HMGB1: variants seen among roughly 807,000 people sequenced by gnomAD.
The protein encoded by HMGB1 is high mobility group box 1, also known as high mobility group protein B1.
For synonymous variants in HMGB1, 81 were observed against 84.0 expected, an observed-to-expected ratio of 0.96 and a Z score of 0.19; for missense variants, 79 against 253.5, an observed-to-expected ratio of 0.31 and a Z score of 4.67.
intron 1 of HMGB1, among the ~76,000 whole-genome samples, chr13:30,546,058 T>C (rs1869143273): frequency 6.6e-6 from 1 of 152,188 alleles, no homozygotes; most frequent in African/African-American, 2.4e-5. Flanking sequence ...AATGCAGATA[T>C]AAAGCACTTC....
Position 30,529,358 on chromosome 13 carries a change from G to A in HMGB1, c.-14-65664C>T, listed in dbSNP as rs562752463. Among the ~76,000 whole-genome samples the A allele has an allele frequency of 3.3e-5, 5 of 152,136 alleles. 1 individual carries two copies. Among genetic ancestry groups the A allele is most frequent in the Non-Finnish European group, 5.9e-5 (4 of 68,032 alleles). On this transcript the variant is annotated intron_variant, in intron 1 of 4. Coordinates refer to the HMGB1 transcript ENST00000405805. ...TTATCATTGACTTATGCTGGGTCAC[G>A]GATGTCCTATGAACCAAGGACAACT...
intron 1 of HMGB1, among the ~76,000 whole-genome samples, chr13:30,531,870 C>G (rs761690608): frequency 6.6e-6 from 1 of 151,666 alleles, no homozygotes; most frequent in African/African-American, 2.4e-5. Context: ...GCACTCCAGC[C>G]TGGGCAATAG....
At chr13:30,507,551 T>C (rs908279572) in intron 1 of HMGB1, among the ~76,000 whole-genome samples, 1 of 152,146 alleles carries the variant, frequency 6.6e-6, no homozygotes, top group African/African-American at 2.4e-5. Context: ...ATTCCTGGGG[T>C]CTAAGGAAGA....
chr13:30,551,027 G>A lies in HMGB1; in HGVS notation c.-15+65644C>T, dbSNP rs142442565. 4.7e-3 allele frequency among the ~76,000 whole-genome samples: 708 copies of A among 152,232 alleles called. 8 individuals are homozygous for A. The highest frequency in any genetic ancestry group is 0.016 in the African/African-American group (672 of 41,542). On this transcript the variant is annotated intron_variant, in intron 1 of 4. Transcript: ENST00000405805. ...GTTAGGAGACAGATGTTCACCAAAT[G>A]CTTAGCCCTCAGGGAGAAAACATTA...
At chr13:30,507,550 G>T (rs1400076859) in intron 1 of HMGB1, among the ~76,000 whole-genome samples, 1 of 152,172 alleles carries the variant, frequency 6.6e-6, no homozygotes, top group Non-Finnish European at 1.5e-5. Flanking sequence ...CATTCCTGGG[G>T]TCTAAGGAAG....
At chr13:30,486,986 G>A (rs951746611) in intron 1 of HMGB1, among the ~76,000 whole-genome samples, 6 of 152,216 alleles carry the variant, frequency 3.9e-5, no homozygotes, top group Non-Finnish European at 8.8e-5. Context: ...TCTTCATGCC[G>A]GTCTTATTTC....
intron 1 of HMGB1, among the ~76,000 whole-genome samples, chr13:30,606,769 T>A (rs1461835977): frequency 1.3e-5 from 2 of 152,352 alleles, no homozygotes; most frequent in African/African-American, 4.8e-5. Flanking sequence ...AAATGCAAAC[T>A]GACCTAACAA....
intron 3 of HMGB1, 69 bp from the exon 4 acceptor site, chr13:30,462,781 C>CT: frequency 1.6e-6 from 2 of 1,275,122 alleles, no homozygotes; most frequent in Non-Finnish European, 2.2e-6. Flanking sequence ...CAAGTGTACA[C>CT]TGCATTGCTA....
intron 1 of HMGB1, among the ~76,000 whole-genome samples, chr13:30,477,617 C>T (rs1351114377): frequency 6.6e-6 from 1 of 152,252 alleles, no homozygotes; most frequent in Non-Finnish European, 1.5e-5. Flanking sequence ...AGACAAAAAA[C>T]AGCATTCCAG....
chr13:30,607,937 T>C lies in HMGB1; in HGVS notation c.-15+8734A>G, dbSNP rs1227463317. On this transcript the variant is annotated intron_variant, in intron 1 of 4. Transcript: ENST00000405805. ...AAATTAACATGTTATAAAATTGTGG[T>C]AGCCGGCCCCCAAGATGGCCTCCAA... Among the ~76,000 whole-genome samples, 4 of 152,244 alleles carry C rather than the reference T, an allele frequency of 2.6e-5. No homozygotes were observed. In the East Asian group the frequency reaches 5.8e-4, roughly 22 times the overall value.
intron 1 of HMGB1, among the ~76,000 whole-genome samples, chr13:30,528,573 A>G (rs996384707): frequency 4.6e-5 from 7 of 152,232 alleles, no homozygotes; most frequent in African/African-American, 1.7e-4. Flanking sequence ...TTTTCTAAAA[A>G]GAGAAACAAT....
intron 1 of HMGB1, among the ~76,000 whole-genome samples, chr13:30,597,940 C>G (rs896864413): frequency 6.6e-6 from 1 of 152,168 alleles, no homozygotes; most frequent in East Asian, 1.9e-4. Flanking sequence ...AAATCATTTT[C>G]TCTCCTAGGT....
chr13:30,545,369 T>C (rs940470400), intron 1 of HMGB1, among the ~76,000 whole-genome samples: 5 of 150,550 alleles, frequency 3.3e-5, no homozygotes, highest in Admixed American at 1.3e-4. Context: ...AACTGAATAT[T>C]ATTATTATTA....
intron 1 of HMGB1, among the ~76,000 whole-genome samples, chr13:30,606,320 A>G (rs6490470): frequency 0.054 from 8,140 of 152,106 alleles, 739 homozygotes; most frequent in African/African-American, 0.19. Flanking sequence ...TTTGTTTTTC[A>G]TTTATCATCA....
intron 1 of HMGB1, among the ~76,000 whole-genome samples, chr13:30,556,192 A>G (rs925343236): frequency 6.6e-6 from 1 of 152,158 alleles, no homozygotes; most frequent in Non-Finnish European, 1.5e-5. Context: ...ATCACCTGAG[A>G]CTGGGAGTTT....
At chr13:30,588,348 G>C (rs1031712996) in intron 1 of HMGB1, among the ~76,000 whole-genome samples, 1 of 152,166 alleles carries the variant, frequency 6.6e-6, no homozygotes, top group East Asian at 1.9e-4. Flanking sequence ...ATGAAGATGA[G>C]ATCTGGGCTG....
rs1164550479 is a variant in HMGB1 at position 30,538,510 on chromosome 13, C to CTTTCTTT, written c.-14-74817_-14-74816insAAAGAAA. Among the ~76,000 whole-genome samples the CTTTCTTT allele has an allele frequency of 4.2e-3, 344 of 81,996 alleles. 7 individuals are homozygous for CTTTCTTT. The highest frequency in any genetic ancestry group is 0.018 in the African/African-American group (204 of 11,570). 53.8% of individuals were successfully genotyped at this position (81,996 alleles called of 152,430 possible). The stretch of plus-strand genomic sequence containing the variant: ...TCTTTCTTTCTTTCTTTCTTTCTTT[C>CTTTCTTT]CTTTCTTTCTTTCCTTTCTTTCTTT... On this transcript the variant is annotated intron_variant, in intron 1 of 4. Coordinates refer to the HMGB1 transcript ENST00000405805.
intron 1 of HMGB1, among the ~76,000 whole-genome samples, chr13:30,472,971 A>G (rs1886981608): frequency 6.6e-6 from 1 of 152,008 alleles, no homozygotes; most frequent in Admixed American, 6.6e-5. Context: ...AATCCCCTCA[A>G]TTCACTATGC....
chr13:30,579,377 T>C (rs911065856), intron 1 of HMGB1, among the ~76,000 whole-genome samples: 1 of 152,240 alleles, frequency 6.6e-6, no homozygotes, highest in Admixed American at 6.5e-5. Flanking sequence ...GACTGGAATG[T>C]AAAACGCATG....
Sources: allele counts gnomAD v4.1 joint callset (sites outside exome capture counted in the v4.1 genomes callset), GRCh38; gene constraint gnomAD v4.1.1; transcripts MANE v1.5; gene names NCBI Gene and HGNC (gene_info 2026-07-23, HGNC 2026-07-21).